The following SLC5A5 variants were observed in gnomAD, a reference collection of about 807,000 sequenced individuals.
SLC5A5 encodes solute carrier family 5 member 5, also known as sodium/iodide cotransporter.
A neutral mutation model predicts 68.6 loss-of-function variants in SLC5A5; 56 were observed. The observed-to-expected ratio is 0.82, with a 90% CI of 0.66 to 1.02. The LOEUF (loss-of-function observed/expected upper bound fraction) is 1.02, where lower values mean the gene tolerates loss of function less well. SLC5A5 is among the 50% of genes least tolerant of loss of function. The pLI, the probability that SLC5A5 is intolerant of heterozygous loss-of-function variation, is 0.00. For synonymous variants in SLC5A5, 398 were observed against 373.0 expected, an observed-to-expected ratio of 1.07 and a Z score of -0.77; for missense variants, 807 against 859.8, an observed-to-expected ratio of 0.94 and a Z score of 0.77.
Position 17,893,769 on chromosome 19 carries a change from T to C in SLC5A5, c.1824T>C (p.Asn608=). The part of the protein sequence containing the change: ...NKKPPGFLPT[N]EDRLFFLGQK... The stretch of plus-strand genomic sequence containing the variant: ...AGCCCCCTGGCTTCCTGCCCACCAA[T>C]GAGGATCGTCTGTTTTTCTTGGGGC... Residue 608 remains asparagine (N), a synonymous_variant, in exon 15 of 15, where the codon AAT becomes AAC. Transcript: ENST00000222248. 4 of 1,613,828 alleles carry C rather than the reference T, an allele frequency of 2.5e-6. No individual in the cohort carries two copies. Among genetic ancestry groups the C allele is most frequent in the Non-Finnish European group, 3.4e-6 (4 of 1,179,890 alleles).
intron 11 of SLC5A5, 24 bp downstream of exon 11, chr19:17,883,791 CGGGGA>C (rs759181537): frequency 2.9e-6 from 1 of 344,468 alleles, no homozygotes; most frequent in South Asian, 2.4e-5. Context: ...GGGCAAGGGG[CGGGGA>C]GGGGCGGGGC....
intron 14 of SLC5A5, 85 bp downstream of exon 14, chr19:17,891,086 A>G: frequency 7.1e-6 from 6 of 840,328 alleles, no homozygotes; most frequent in South Asian, 1.3e-5. Context: ...GACATGGTAT[A>G]TCAGCACCTT....
chr19:17,887,747 G>C (rs1208254677), intron 12 of SLC5A5, among the ~76,000 whole-genome samples: 1 of 151,544 alleles, frequency 6.6e-6, no homozygotes, highest in Admixed American at 6.6e-5. Flanking sequence ...ACTGGCACCC[G>C]CCATCAGGCC....
Position 17,877,993 on chromosome 19 carries a change from T to A in SLC5A5, c.869T>A (p.Phe290Tyr). 1 of 1,613,560 alleles carries A rather than the reference T, an allele frequency of 6.2e-7. No individual in the cohort carries two copies. Among genetic ancestry groups the A allele is most frequent in the Non-Finnish European group, 8.5e-7 (1 of 1,180,042 alleles). ...CTGCTCATCAACCAGGTCGGCCTGT[T>A]CCTGATCGTGTCCAGCGCTGCCTGC... is the stretch of plus-strand genomic sequence containing the variant. ...LALLINQVGL[F>Y]LIVSSAACCG... The change falls in exon 7 of 15, where the codon TTC becomes TAC. Residue 290 changes from phenylalanine to tyrosine, a missense_variant. By Grantham distance (22) the Phe-to-Tyr change is conservative. Transcript: ENST00000222248.
Position 17,884,024 on chromosome 19 carries a change from A to G in SLC5A5, c.1504A>G (p.Asn502Asp), listed in dbSNP as rs747889232. The G allele has an allele frequency of 6.4e-6, 10 of 1,570,834 alleles. No individual in the cohort carries two copies. The highest frequency in any genetic ancestry group is 8.6e-6 in the Non-Finnish European group (10 of 1,160,332). ...GLLDPALLPA[N>D]DSSRAPSSGM... ...CCTGGACCCGGCTCTCCTCCCTGCT[A>G]ACGACTCCAGCAGGGCCCCCAGGTG... Residue 502 changes from asparagine to aspartate, a missense_variant, in exon 12 of 15, where the codon AAC (asparagine) becomes GAC (aspartate). Transcript: ENST00000222248.
chr19:17,886,671 C>T (rs769089160), intron 12 of SLC5A5, among the ~76,000 whole-genome samples: 45 of 152,114 alleles, frequency 3.0e-4, no homozygotes, highest in South Asian at 6.2e-4. Flanking sequence ...TTTTACATTC[C>T]GACCAGCAAC....
rs1458138971 is a variant in SLC5A5 at position 17,872,428 on chromosome 19, G to T, written c.109G>T (p.Ala37Ser). 13 of 1,608,704 alleles carry T rather than the reference G, an allele frequency of 8.1e-6. No individual in the cohort carries two copies. Among genetic ancestry groups the T allele is most frequent in the Non-Finnish European group, 1.1e-5 (13 of 1,177,648 alleles). ...STGIGLWVGL[A>S]RGGQRSAEDF... Reference sequence around the variant, plus strand: ...TGGCATCGGGCTGTGGGTCGGGCTGGCTCGGGGCGGGCAGCGCAGCGCTGA... The same window carrying T: ...TGGCATCGGGCTGTGGGTCGGGCTGTCTCGGGGCGGGCAGCGCAGCGCTGA... Residue 37 changes from alanine (A) to serine (S), a missense_variant, in exon 1 of 15, where the codon GCT becomes TCT. Transcript: ENST00000222248.
intron 14 of SLC5A5, among the ~76,000 whole-genome samples, chr19:17,892,648 A>AAGAGAG (rs1568427310): frequency 1.4e-4 from 8 of 58,634 alleles, no homozygotes; most frequent in Non-Finnish European, 2.4e-4. Flanking sequence ...AAAGAAAGAA[A>AAGAGAG]AGACAGAGAG....
At position 17,893,988 on chromosome 19, in the gene SLC5A5, C is replaced by T; in HGVS notation, c.*111C>T. The T allele has an allele frequency of 9.3e-7, 1 of 1,072,542 alleles. No homozygotes were observed. Among genetic ancestry groups the T allele is most frequent in the South Asian group, 1.4e-5 (1 of 73,680 alleles). The allele number at this position is 1,072,542 out of a possible 1,614,324, so 66.4% of individuals were successfully genotyped here. On this transcript the variant is annotated 3_prime_UTR_variant, in exon 15 of 15. Coordinates refer to ENST00000222248, the MANE Select transcript of SLC5A5 (RefSeq NM_000453.3). Reference sequence around the variant, plus strand: ...CTGATTGGCTGGATTGCCTTGTATGCAAATGAGTTCAGGACTACAATACCC... The same window carrying T: ...CTGATTGGCTGGATTGCCTTGTATGTAAATGAGTTCAGGACTACAATACCC...
At chr19:17,878,758 T>C (rs2094313503) in intron 7 of SLC5A5, among the ~76,000 whole-genome samples, 1 of 151,564 alleles carries the variant, frequency 6.6e-6, no homozygotes, top group Admixed American at 6.6e-5. Context: ...GGCAGATCAC[T>C]TGAGGTTAGA....
intron 13 of SLC5A5, among the ~76,000 whole-genome samples, chr19:17,889,409 AGAAAGAAGGAAGGAAG>A (rs2030064070): frequency 1.8e-5 from 2 of 112,660 alleles, no homozygotes; most frequent in African/African-American, 1.4e-4. Context: ...AAAGAAAGAA[AGAAAGAAGGAAGGAAG>A]GAAGGAAGGA....
intron 12 of SLC5A5, among the ~76,000 whole-genome samples, chr19:17,887,597 ATTTT>A (rs59690936): frequency 4.1e-5 from 5 of 120,952 alleles, no homozygotes; most frequent in African/African-American, 1.6e-4. Context: ...GAAGTTTTTA[ATTTT>A]TTTTTTTTTT....
At position 17,895,094 on chromosome 19, in the gene SLC5A5, A is replaced by G. The variant is rs886054299; in HGVS notation, c.*1217A>G. On this transcript the variant is annotated 3_prime_UTR_variant, in exon 15 of 15. Transcript: ENST00000222248. ...ATTATTTCTTAGAGCCTTTAGAGGG[A>G]ACATGGCCCTACTGACACCTTGATG... The G allele has an allele frequency of 3.3e-5, 5 of 152,000 alleles. No individual in the cohort carries two copies. Among genetic ancestry groups the G allele is most frequent in the Admixed American group, 6.6e-5 (1 of 15,216 alleles). The allele number at this position is 152,000 out of a possible 1,614,324, so 9.4% of individuals were successfully genotyped here.
At chr19:17,881,148 G>T (rs758483285) in intron 8 of SLC5A5, among the ~76,000 whole-genome samples, 195 bp downstream of exon 8, 2 of 152,092 alleles carry the variant, frequency 1.3e-5, no homozygotes, top group Non-Finnish European at 1.5e-5. Flanking sequence ...AACTGCAAGG[G>T]TTTACCTTCT....
intron 12 of SLC5A5, among the ~76,000 whole-genome samples, chr19:17,887,667 G>A (rs2029973291): frequency 7.0e-6 from 1 of 143,074 alleles, no homozygotes; most frequent in Non-Finnish European, 1.5e-5. Context: ...GTGTGATCTC[G>A]GCTCACTGCA....
At chr19:17,882,673 C>A (rs1459012654) in intron 10 of SLC5A5, among the ~76,000 whole-genome samples, 1 of 148,938 alleles carries the variant, frequency 6.7e-6, no homozygotes, top group Non-Finnish European at 1.5e-5. Context: ...CCACCATGCC[C>A]GTCTAATATT....
chr19:17,888,620 C>T (rs7259479), intron 13 of SLC5A5, among the ~76,000 whole-genome samples, 165 bp downstream of exon 13: 11,133 of 78,556 alleles, frequency 0.14, 516 homozygotes, highest in African/African-American at 0.3. Flanking sequence ...TTATTATTAT[C>T]ATCATCATCA....
chr19:17,873,483 C>A (rs2094299301), intron 1 of SLC5A5, among the ~76,000 whole-genome samples: 1 of 145,266 alleles, frequency 6.9e-6, no homozygotes. Context: ...TGTGGCAGGG[C>A]GCAGTGGCTC....
In SLC5A5 at chr19:17,875,865, G is replaced by A. The variant is rs1480024061; in HGVS notation, c.544-87G>A. ...CCACTTTAGAGAGGAGGAGACTGAGGCATAGAAGGGCATCAGTCCTAGGCA... is the reference window on the plus strand; with the variant it reads ...CCACTTTAGAGAGGAGGAGACTGAGACATAGAAGGGCATCAGTCCTAGGCA... On this transcript the variant is annotated intron_variant, in intron 4 of 14. Coordinates refer to ENST00000222248, the MANE Select transcript of SLC5A5 (RefSeq NM_000453.3). The A allele has an allele frequency of 2.1e-5, 25 of 1,204,190 alleles. No homozygotes were observed. The East Asian group carries it at 5.2e-4, about 25-fold the overall frequency. The allele number at this position is 1,204,190 out of a possible 1,614,324, so 74.6% of individuals were successfully genotyped here. A position where few individuals can be genotyped will look rare whatever the true frequency, so the allele number is the denominator to read the frequency against.
Sources: gnomAD v4.1 joint callset for allele counts (sites outside exome capture counted in the v4.1 genomes callset) on GRCh38, gnomAD v4.1.1 for gene constraint, MANE v1.5 for transcripts, NCBI Gene and HGNC (gene_info 2026-07-23, HGNC 2026-07-21) for gene names.